The following MED13L variants were observed in gnomAD, a reference collection of about 807,000 sequenced individuals.
MED13L encodes mediator complex subunit 13L.
MED13L carries 7 observed loss-of-function variants against 220.9 expected under a neutral mutation model. The ratio of observed to expected loss-of-function variants is 0.03; its 90% CI spans 0.02 to 0.06. The LOEUF is 0.06. MED13L is among the 10% of genes least tolerant of loss of function. The pLI, the probability that MED13L is intolerant of heterozygous loss-of-function variation, is 1.00. For synonymous variants in MED13L, 1,011 were observed against 1,015.2 expected, an observed-to-expected ratio of 1.00 and a Z score of 0.08; for missense variants, 1,965 against 2,760.5, an observed-to-expected ratio of 0.71 and a Z score of 6.46.
Position 115,969,097 on chromosome 12 carries a change from T to C in MED13L, c.6068A>G (p.Asp2023Gly), listed in dbSNP as rs121918333. ...GAATGGAAGGTCAACAAACATATCA[T>C]CTAGAGGGAAGGGGGGAAAAAAAGC... ...PNEDGFSPNN[D>G]DMFVDLPFPD... The change falls in exon 28 of 31, where the codon GAT becomes GGT. Residue 2023 changes from aspartate (D) to glycine (G), a missense_variant and splice_region_variant. By Grantham distance (94) the Asp-to-Gly change is moderately conservative (BLOSUM62 -1). Transcript: ENST00000281928. 3 of 1,613,524 alleles carry C rather than the reference T, an allele frequency of 1.9e-6. No individual in the cohort carries two copies. The highest frequency in any genetic ancestry group is 1.7e-6 in the Non-Finnish European group (2 of 1,179,842).
chr12:116,203,435 C>A (rs1593161238), intron 2 of MED13L, among the ~76,000 whole-genome samples: 1 of 148,288 alleles, frequency 6.7e-6, no homozygotes, highest in South Asian at 2.1e-4. Context: ...TTGAAATAAA[C>A]ATAAAAATAA....
chr12:116,021,770 A>T (rs756045914), intron 5 of MED13L, among the ~76,000 whole-genome samples: 77 of 152,340 alleles, frequency 5.1e-4, no homozygotes, highest in Middle Eastern at 3.4e-3. Context: ...ATCTAATATT[A>T]TAACATTTAA....
At chr12:116,233,321 T>C (rs1315027873) in intron 2 of MED13L, among the ~76,000 whole-genome samples, 1 of 152,234 alleles carries the variant, frequency 6.6e-6, no homozygotes, top group Non-Finnish European at 1.5e-5. Flanking sequence ...TTTAAGTTTA[T>C]ATTCCAATTT....
intron 2 of MED13L, among the ~76,000 whole-genome samples, chr12:116,210,994 C>T (rs1258005626): frequency 3.9e-5 from 6 of 152,068 alleles, no homozygotes; most frequent in South Asian, 2.1e-4. Flanking sequence ...TGAATAAACT[C>T]GCCACCATAT....
intron 4 of MED13L, among the ~76,000 whole-genome samples, chr12:116,079,920 T>C (rs1871109133): frequency 6.6e-6 from 1 of 152,146 alleles, no homozygotes; most frequent in African/African-American, 2.4e-5. Context: ...GAATAAGCTA[T>C]ACCAAGCTTG....
rs1875718578 is a variant in MED13L at position 115,960,956 on chromosome 12, G to A, written c.*310C>T. On this transcript the variant is annotated 3_prime_UTR_variant, in exon 31 of 31. Coordinates refer to ENST00000281928, the MANE Select transcript of MED13L (RefSeq NM_015335.5). ...TGTGCAAAAGGACACTGTCTCTTCTGTTTCCCGCTGAAAAGCCATCAACCA... is the reference window on the plus strand; with the variant it reads ...TGTGCAAAAGGACACTGTCTCTTCTATTTCCCGCTGAAAAGCCATCAACCA... The A allele has an allele frequency of 4.9e-6, 2 of 409,500 alleles. No individual in the cohort carries two copies. The highest frequency in any genetic ancestry group is 3.6e-5 in the Admixed American group (1 of 28,092). 25.4% of individuals were successfully genotyped at this position (409,500 alleles called of 1,614,324 possible).
In MED13L at chr12:115,982,559, G is replaced by T. The variant is rs928077384; in HGVS notation, c.5000C>A (p.Ser1667Tyr). Residue 1667 changes from serine (S) to tyrosine (Y), a missense_variant, in exon 22 of 31, where the codon TCT becomes TAT. By Grantham distance (144) the Ser-to-Tyr change is moderately radical (BLOSUM62 -2). Around this residue, in one of 10 missense-constraint regions of MED13L, gnomAD observed 510 missense variants for 620.4 expected, o/e 0.82. Coordinates refer to ENST00000281928, the MANE Select transcript of MED13L (RefSeq NM_015335.5). ...TGGAGGGTGGGCATGGCTGTCTGCA[G>T]AGTCAGGCTCCGTGGGAATTCCTAT... ...ERIGIPTEPD[S>Y]ADSHAHPPAV... The T allele has an allele frequency of 5.0e-6, 8 of 1,614,154 alleles. No individual in the cohort carries two copies. In the East Asian group the frequency reaches 1.8e-4, roughly 36 times the overall value.
intron 2 of MED13L, among the ~76,000 whole-genome samples, chr12:116,114,179 A>G (rs947376189): frequency 3.4e-4 from 51 of 152,014 alleles, no homozygotes; most frequent in Middle Eastern, 3.4e-3. Context: ...TTCACATCCA[A>G]TTTCTTCCTC....
intron 2 of MED13L, among the ~76,000 whole-genome samples, chr12:116,175,407 G>A (rs1017440111): frequency 2.0e-5 from 3 of 152,010 alleles, no homozygotes; most frequent in Non-Finnish European, 2.9e-5. Context: ...GCTTAATTCT[G>A]ACGAAAAAAG....
At chr12:116,029,199 G>T (rs1230839767) in intron 4 of MED13L, among the ~76,000 whole-genome samples, 1 of 144,332 alleles carries the variant, frequency 6.9e-6, no homozygotes, top group East Asian at 2.2e-4. Context: ...AATAATGGGA[G>T]TTGGGGTCTA....
rs759519110 is a variant in MED13L, at chr12:115,970,587, T to A, written c.6067+7A>T. On this transcript the variant is annotated splice_region_variant and intron_variant, in intron 27 of 30. Transcript: ENST00000281928. The stretch of plus-strand genomic sequence containing the variant: ...GTGAGCACTATCCATACAGGTCTTC[T>A]ACTCACCATTGTTGGGGCTAAACCC... 3 of 1,613,372 alleles carry A rather than the reference T, an allele frequency of 1.9e-6. No homozygotes were observed. Among genetic ancestry groups the A allele is most frequent in the Non-Finnish European group, 1.7e-6 (2 of 1,179,442 alleles).
At chr12:116,175,226 A>C (rs1428751223) in intron 2 of MED13L, among the ~76,000 whole-genome samples, 1 of 152,220 alleles carries the variant, frequency 6.6e-6, no homozygotes, top group African/African-American at 2.4e-5. Context: ...GTTAAGATTT[A>C]TCTCAAGCAA....
intron 25 of MED13L, 160 bp from the exon 26 acceptor site, chr12:115,972,396 TACTCG>T: frequency 1.2e-6 from 1 of 807,920 alleles, no homozygotes; most frequent in Non-Finnish European, 2.0e-6. Context: ...TAGAGAATGT[TACTCG>T]ACTTCTATTA....
intron 4 of MED13L, among the ~76,000 whole-genome samples, chr12:116,085,765 C>T (rs940689131): frequency 1.3e-5 from 2 of 151,202 alleles, no homozygotes; most frequent in Admixed American, 6.6e-5. Flanking sequence ...CACACACACA[C>T]ACACACACAC....
At position 115,983,106 on chromosome 12, in the gene MED13L, G is replaced by T; in HGVS notation, c.4955+11C>A. The T allele has an allele frequency of 6.2e-7, 1 of 1,613,688 alleles. No homozygotes were observed. Among genetic ancestry groups the T allele is most frequent in the Non-Finnish European group, 8.5e-7 (1 of 1,179,860 alleles). On this transcript the variant is annotated intron_variant, in intron 21 of 30. Transcript: ENST00000281928. ...GCTGAAGCCACTCATCTCAATTAGT[G>T]AATAACATACCTCTCTTGTCCATCC...
At chr12:116,276,524 G>C (rs1239640212) in intron 1 of MED13L, 2 of 1,281,938 alleles carry the variant, frequency 1.6e-6, no homozygotes, top group East Asian at 5.6e-5. Flanking sequence ...CGGGAGCTTC[G>C]GGTGCAAGAG....
chr12:115,964,191 G>A (rs1875975452), intron 29 of MED13L, among the ~76,000 whole-genome samples: 1 of 152,082 alleles, frequency 6.6e-6, no homozygotes, highest in South Asian at 2.1e-4. Flanking sequence ...CTCACATAAG[G>A]ACCTTTAAAC....
intron 10 of MED13L, chr12:116,008,167 G>T: frequency 1.9e-6 from 1 of 533,444 alleles, no homozygotes. Flanking sequence ...AATATATTTG[G>T]AGTGTACTTA....
At position 116,050,134 on chromosome 12, in the gene MED13L, G is replaced by A. The variant is rs546839270; in HGVS notation, c.480-27533C>T. 3.3e-5 allele frequency among the ~76,000 whole-genome samples: 5 copies of A among 152,216 alleles called. No homozygotes were observed. In the South Asian group the frequency reaches 1.0e-3, roughly 32 times the overall value. Reference sequence around the variant, plus strand: ...AGCCCAAAACCATAATTTATAACTAGATTGTTCTAGGGTGCGACTCCATGG... The same window carrying A: ...AGCCCAAAACCATAATTTATAACTAAATTGTTCTAGGGTGCGACTCCATGG... On this transcript the variant is annotated intron_variant, in intron 4 of 30. Coordinates refer to ENST00000281928, the MANE Select transcript of MED13L (RefSeq NM_015335.5).
Sources: gnomAD v4.1 joint callset for allele counts (sites outside exome capture counted in the v4.1 genomes callset) on GRCh38, gnomAD v4.1.1 for gene constraint, gnomAD v4.1.1 regional missense constraint, MANE v1.5 for transcripts, NCBI Gene and HGNC (gene_info 2026-07-23, HGNC 2026-07-21) for gene names.